The following XIRP2 variants were observed in gnomAD, a reference collection of about 807,000 sequenced individuals.
XIRP2 encodes the protein xin actin binding repeat containing 2, also known as xin actin-binding repeat-containing protein 2.
XIRP2 carries 236 observed loss-of-function variants against 277.0 expected under a neutral mutation model. The ratio of observed to expected loss-of-function variants is 0.85; its 90% CI spans 0.77 to 0.95. The LOEUF (loss-of-function observed/expected upper bound fraction) is 0.95, where lower values mean the gene tolerates loss of function less well. Ranked by LOEUF, XIRP2 falls within the 40% of genes least tolerant of loss-of-function variation. The pLI is 0.00. For synonymous variants in XIRP2, 1,490 were observed against 1,416.5 expected, an observed-to-expected ratio of 1.05 and a Z score of -1.17; for missense variants, 4,640 against 4,157.5, an observed-to-expected ratio of 1.12 and a Z score of -3.19.
At chr2:166,910,432 T>G (rs756302781) in intron 2 of XIRP2, among the ~76,000 whole-genome samples, 26 of 152,204 alleles carry the variant, frequency 1.7e-4, no homozygotes, top group Non-Finnish European at 3.4e-4. Flanking sequence ...GATGGTATTT[T>G]GTATTTCTGT....
At chr2:167,011,605 T>G (rs1023746766) in intron 2 of XIRP2, among the ~76,000 whole-genome samples, 4 of 151,896 alleles carry the variant, frequency 2.6e-5, no homozygotes, top group African/African-American at 9.7e-5. Flanking sequence ...TTAGGGAGGA[T>G]TCCCTCTTTT....
intron 2 of XIRP2, among the ~76,000 whole-genome samples, chr2:166,943,508 C>T (rs778184278): frequency 1.3e-5 from 2 of 152,198 alleles, no homozygotes; most frequent in African/African-American, 2.4e-5. Flanking sequence ...TATCACCACT[C>T]GTCTTCATAT....
intron 2 of XIRP2, among the ~76,000 whole-genome samples, chr2:167,080,573 A>C (rs1374235598): frequency 6.6e-6 from 1 of 152,202 alleles, no homozygotes; most frequent in Non-Finnish European, 1.5e-5. Flanking sequence ...TAGGAGATTA[A>C]GCAAAGCAAA....
chr2:167,130,754 GT>G (rs1651248967), intron 2 of XIRP2, among the ~76,000 whole-genome samples: 1 of 150,436 alleles, frequency 6.6e-6, no homozygotes, highest in South Asian at 2.1e-4. Flanking sequence ...CCTGTACCTG[GT>G]CTCTCCCTGC....
intron 3 of XIRP2, among the ~76,000 whole-genome samples, chr2:167,210,493 T>A (rs949848201): frequency 2.6e-5 from 4 of 152,222 alleles, no homozygotes; most frequent in African/African-American, 4.8e-5. Flanking sequence ...CTCATCACAA[T>A]AATTGCAAGA....
At chr2:166,912,909 C>G (rs572784190) in intron 2 of XIRP2, among the ~76,000 whole-genome samples, 6 of 152,280 alleles carry the variant, frequency 3.9e-5, no homozygotes, top group African/African-American at 1.2e-4. Flanking sequence ...GCAGAGGCTG[C>G]AGAACAGTGA....
intron 2 of XIRP2, among the ~76,000 whole-genome samples, chr2:167,005,061 G>A (rs1034097229): frequency 2.6e-5 from 4 of 151,944 alleles, no homozygotes; most frequent in African/African-American, 9.6e-5. Flanking sequence ...AAAAAAGAAA[G>A]TAACTAATAT....
chr2:167,134,035 G>A (rs993875977), intron 2 of XIRP2, among the ~76,000 whole-genome samples: 16 of 151,984 alleles, frequency 1.1e-4, no homozygotes, highest in Admixed American at 6.6e-5. Flanking sequence ...TCACTCTAAT[G>A]AAGACAGCAT....
At chr2:167,257,461 G>A (rs1426792373) in intron 10 of XIRP2, among the ~76,000 whole-genome samples, 5 of 151,854 alleles carry the variant, frequency 3.3e-5, no homozygotes, top group Non-Finnish European at 4.4e-5. Context: ...CTTCCAGCTC[G>A]TTCAAAATCC....
chr2:167,035,180 G>C (rs1177341899), intron 2 of XIRP2, among the ~76,000 whole-genome samples: 1 of 152,102 alleles, frequency 6.6e-6, no homozygotes, highest in South Asian at 2.1e-4. Flanking sequence ...ACAGTAAATT[G>C]GTACCAGGAG....
intron 3 of XIRP2, among the ~76,000 whole-genome samples, chr2:167,178,604 T>C (rs1210085639): frequency 1.3e-5 from 2 of 152,144 alleles, no homozygotes; most frequent in Non-Finnish European, 1.5e-5. Flanking sequence ...AAATAGTAAT[T>C]TTTGTGTAGG....
At chr2:167,169,626 A>G (rs1692626879) in intron 3 of XIRP2, among the ~76,000 whole-genome samples, 1 of 152,214 alleles carries the variant, frequency 6.6e-6, no homozygotes, top group Admixed American at 6.5e-5. Context: ...GTAACCTCCA[A>G]GCTTATTACA....
chr2:166,997,620 TG>T (rs1182729073), intron 2 of XIRP2, among the ~76,000 whole-genome samples: 19 of 152,172 alleles, frequency 1.2e-4, no homozygotes, highest in African/African-American at 4.6e-4. Context: ...TCAGTTGACT[TG>T]GGGGGCCTGG....
chr2:167,172,070 C>T (rs1692710251), intron 3 of XIRP2, among the ~76,000 whole-genome samples: 2 of 152,062 alleles, frequency 1.3e-5, no homozygotes, highest in African/African-American at 2.4e-5. Context: ...AATGTGAGTC[C>T]TTTTCTATTT....
intron 2 of XIRP2, among the ~76,000 whole-genome samples, chr2:166,984,466 T>G (rs1282919893): frequency 1.3e-5 from 2 of 152,150 alleles, no homozygotes; most frequent in East Asian, 3.8e-4. Context: ...TTTTAATTTT[T>G]GGGTATTTAA....
intron 2 of XIRP2, among the ~76,000 whole-genome samples, chr2:166,907,805 C>T (rs781450937): frequency 3.8e-4 from 53 of 139,054 alleles, no homozygotes; most frequent in Non-Finnish European, 6.0e-4. Context: ...TGATGTTCCC[C>T]TTCCTGTGTC....
intron 2 of XIRP2, among the ~76,000 whole-genome samples, chr2:167,012,418 G>A (rs558442252): frequency 1.1e-4 from 16 of 151,604 alleles, no homozygotes; most frequent in Admixed American, 3.3e-4. Context: ...CCTAAATTTT[G>A]TAAAGGAAAC....
At chr2:167,081,814 G>T (rs2105262668) in intron 2 of XIRP2, among the ~76,000 whole-genome samples, 1 of 152,218 alleles carries the variant, frequency 6.6e-6, no homozygotes, top group South Asian at 2.1e-4. Flanking sequence ...ATATTCAAGG[G>T]ATATCTTAGC....
At chr2:167,017,982 C>T (rs145398274) in intron 2 of XIRP2, among the ~76,000 whole-genome samples, 2 of 152,076 alleles carry the variant, frequency 1.3e-5, no homozygotes, top group African/African-American at 4.8e-5. Flanking sequence ...TGAGTTATTA[C>T]CTTAGCTGGG....
Sources: gnomAD v4.1 joint callset for allele counts (sites outside exome capture counted in the v4.1 genomes callset) on GRCh38, gnomAD v4.1.1 for gene constraint, MANE v1.5 for transcripts, NCBI Gene and HGNC (gene_info 2026-07-23, HGNC 2026-07-21) for gene names.